Variants in CLMP observed in about 807,000 individuals in gnomAD.
CLMP encodes the protein CXADR like cell adhesion molecule, also known as CXADR-like membrane protein.
A neutral mutation model predicts 45.2 loss-of-function variants in CLMP; 27 were observed. The observed-to-expected ratio is 0.60, with a 90% CI of 0.44 to 0.82. The LOEUF (loss-of-function observed/expected upper bound fraction) is 0.82. Among genes scored for constraint, CLMP ranks in the 40% least tolerant of loss-of-function variants. CLMP has a pLI of 0.00. For missense variants in CLMP, 403 were observed against 448.4 expected, an observed-to-expected ratio of 0.90 and a Z score of 0.91; for synonymous variants, 167 against 171.4, an observed-to-expected ratio of 0.97 and a Z score of 0.20.
At chr11:123,101,350 G>A (rs1366463106) in intron 1 of CLMP, among the ~76,000 whole-genome samples, 1 of 152,112 alleles carries the variant, frequency 6.6e-6, no homozygotes, top group Non-Finnish European at 1.5e-5. Flanking sequence ...CAGGTGATCC[G>A]CCTGCCTCGG....
chr11:123,080,526 C>T (rs1196153080), intron 5 of CLMP, among the ~76,000 whole-genome samples: 2 of 151,962 alleles, frequency 1.3e-5, no homozygotes, highest in African/African-American at 4.8e-5. Flanking sequence ...GGGGTTTCAC[C>T]CTGTTGGTCA....
chr11:123,172,792 C>T (rs1861653451), intron 1 of CLMP, among the ~76,000 whole-genome samples: 1 of 152,194 alleles, frequency 6.6e-6, no homozygotes, highest in Non-Finnish European at 1.5e-5. Flanking sequence ...AGCCAATAAA[C>T]ATTTTTTTAC....
At chr11:123,096,619 A>G (rs566650223) in intron 2 of CLMP, among the ~76,000 whole-genome samples, 27 of 152,290 alleles carry the variant, frequency 1.8e-4, no homozygotes, top group African/African-American at 6.5e-4. Context: ...GCTGTATGAG[A>G]ACAAAATGAC....
At chr11:123,089,792 AAG>A (rs200507841) in intron 2 of CLMP, among the ~76,000 whole-genome samples, 6,212 of 106,182 alleles carry the variant, frequency 0.059, 187 homozygotes, top group Admixed American at 0.11. Context: ...AAAAAAAAAA[AAG>A]AAAAAGAAAA....
intron 1 of CLMP, among the ~76,000 whole-genome samples, chr11:123,167,381 G>A (rs1861571587): frequency 6.6e-6 from 1 of 152,130 alleles, no homozygotes; most frequent in African/African-American, 2.4e-5. Flanking sequence ...CACCTCCTGG[G>A]TTCACACCAT....
At chr11:123,145,407 GA>G (rs1260704736) in intron 1 of CLMP, among the ~76,000 whole-genome samples, 1 of 149,594 alleles carries the variant, frequency 6.7e-6, no homozygotes, top group Non-Finnish European at 1.5e-5. Flanking sequence ...GCACGTCACA[GA>G]CTTTGTCAGC....
rs1335039923 is a variant in CLMP, at chr11:123,116,871, G to C, written c.29-18919C>G. Among the ~76,000 whole-genome samples the C allele has an allele frequency of 2.0e-5, 3 of 152,208 alleles. No individual in the cohort carries two copies. The East Asian group carries it at 5.8e-4, about 29-fold the overall frequency. ...CAGAATAAGTGAGAATTGTAGTTTA[G>C]TGTTATTTCCCTATGACAAATTCCA... On this transcript the variant is annotated intron_variant, in intron 1 of 6. Transcript: ENST00000448775.
chr11:123,086,811 T>G lies in CLMP; in HGVS notation c.187-2098A>C, dbSNP rs1591451854. On this transcript the variant is annotated intron_variant, in intron 2 of 6. Transcript: ENST00000448775. Reference sequence around the variant, plus strand: ...TGGTGGTTTGCTTGAGCCCAGGAGGTTGAGGCTATAGTGAGCCAAGACTGC... The same window carrying G: ...TGGTGGTTTGCTTGAGCCCAGGAGGGTGAGGCTATAGTGAGCCAAGACTGC... Among the ~76,000 whole-genome samples, 4 of 152,126 alleles carry G rather than the reference T, an allele frequency of 2.6e-5. No individual in the cohort carries two copies. The South Asian group carries it at 8.3e-4, about 32-fold the overall frequency.
chr11:123,097,406 C>T (rs1866003554), intron 2 of CLMP, among the ~76,000 whole-genome samples: 1 of 151,968 alleles, frequency 6.6e-6, no homozygotes, highest in Non-Finnish European at 1.5e-5. Context: ...GGCATGATCT[C>T]AGCTCACTGC....
At chr11:123,080,645 G>A (rs1032528334) in intron 5 of CLMP, among the ~76,000 whole-genome samples, 1 of 152,098 alleles carries the variant, frequency 6.6e-6, no homozygotes, top group African/African-American at 2.4e-5. Context: ...ATCTCTTGAA[G>A]GGAGAAGTAG....
At chr11:123,151,018 T>C (rs1861330822) in intron 1 of CLMP, among the ~76,000 whole-genome samples, 1 of 152,182 alleles carries the variant, frequency 6.6e-6, no homozygotes, top group Non-Finnish European at 1.5e-5. Context: ...CTTTCCATCT[T>C]ATCTCACCAC....
chr11:123,098,587 G>C (rs1021630422), intron 1 of CLMP, among the ~76,000 whole-genome samples: 1 of 151,800 alleles, frequency 6.6e-6, no homozygotes, highest in Non-Finnish European at 1.5e-5. Flanking sequence ...CCAGGCTGGA[G>C]TTCAGTGGTG....
At position 123,175,880 on chromosome 11, in the gene CLMP, T is replaced by G. The variant is rs747801270; in HGVS notation, c.28+19033A>C. 1.2e-3 allele frequency among the ~76,000 whole-genome samples: 181 copies of G among 152,304 alleles called. 1 individual carries two copies. Among genetic ancestry groups the G allele is most frequent in the Non-Finnish European group, 1.8e-3 (124 of 68,022 alleles). ...GTGGAAACTTGAAGATTCATAGAAG[T>G]TTTGACTCCTGCAGCTGTGAGTTGC... On this transcript the variant is annotated intron_variant, in intron 1 of 6. Coordinates refer to ENST00000448775, the MANE Select transcript of CLMP (RefSeq NM_024769.5).
At chr11:123,110,281 C>T (rs746475132) in intron 1 of CLMP, among the ~76,000 whole-genome samples, 1 of 151,938 alleles carries the variant, frequency 6.6e-6, no homozygotes, top group Non-Finnish European at 1.5e-5. Flanking sequence ...TGGTGAAACC[C>T]CGTCTCTACT....
intron 1 of CLMP, among the ~76,000 whole-genome samples, chr11:123,118,497 C>T (rs1488303541): frequency 2.0e-5 from 3 of 152,192 alleles, no homozygotes; most frequent in Non-Finnish European, 4.4e-5. Context: ...TATAATCAAA[C>T]TTAGCTCATG....
chr11:123,073,895 T>G, intron 6 of CLMP, 121 bp from the exon 7 acceptor site: 8 of 982,090 alleles, frequency 8.1e-6, no homozygotes, highest in Non-Finnish European at 1.2e-5. Context: ...AAGGCAACCA[T>G]TTAGGGTCAT....
chr11:123,149,331 A>G (rs1185269814), intron 1 of CLMP, among the ~76,000 whole-genome samples: 1 of 152,198 alleles, frequency 6.6e-6, no homozygotes, highest in Non-Finnish European at 1.5e-5. Flanking sequence ...GTTTGAGGCT[A>G]CCCAGGTTGT....
chr11:123,117,461 C>T (rs1860734507), intron 1 of CLMP, among the ~76,000 whole-genome samples: 1 of 151,872 alleles, frequency 6.6e-6, no homozygotes, highest in South Asian at 2.1e-4. Context: ...GAGTGTTGCC[C>T]TGCTGCCCAG....
chr11:123,119,106 G>A (rs1269318126), intron 1 of CLMP, among the ~76,000 whole-genome samples: 4 of 121,908 alleles, frequency 3.3e-5, no homozygotes, highest in Non-Finnish European at 4.9e-5. Context: ...TTTTTGAGAT[G>A]GAGTTTCACT....
Sources: gnomAD v4.1 joint callset for allele counts (sites outside exome capture counted in the v4.1 genomes callset) on GRCh38, gnomAD v4.1.1 for gene constraint, MANE v1.5 for transcripts, NCBI Gene and HGNC (gene_info 2026-07-23, HGNC 2026-07-21) for gene names.